UNC13C: variants seen among roughly 807,000 people sequenced by gnomAD.
The protein encoded by UNC13C is unc-13 homolog C, also known as protein unc-13 homolog C.
UNC13C carries 174 observed loss-of-function variants against 245.4 expected under a neutral mutation model. The ratio of observed to expected loss-of-function variants is 0.71; its 90% CI spans 0.63 to 0.80. The LOEUF is 0.80. UNC13C is among the 30% of genes least tolerant of loss of function. The probability of loss-of-function intolerance (pLI) is 0.00; values close to 1 mark genes in which losing one functional copy is unlikely to be tolerated. For synonymous variants in UNC13C, 992 were observed against 895.1 expected (o/e 1.11, Z -1.93); for missense variants, 2,829 against 2,602.9 (o/e 1.09, Z -1.89).
intron 4 of UNC13C, among the ~76,000 whole-genome samples, chr15:54,199,455 C>A (rs1183709934): frequency 6.6e-6 from 1 of 151,994 alleles, no homozygotes; most frequent in Non-Finnish European, 1.5e-5. Context: ...CATCAGGTAA[C>A]CTATAAAGGA....
At chr15:54,120,405 C>G (rs2030586299) in intron 2 of UNC13C, among the ~76,000 whole-genome samples, 1 of 151,016 alleles carries the variant, frequency 6.6e-6, no homozygotes, top group African/African-American at 2.4e-5. Flanking sequence ...TGAATACTTA[C>G]ACTGCTCAGA....
chr15:53,854,123 T>TTTTTTTG, the UNC13C span, among the ~76,000 whole-genome samples: 2 of 43,964 alleles, frequency 4.5e-5, 1 homozygote. Context: ...TTTTTATAGG[T>TTTTTTTG]TTTTTTTTTT....
chr15:54,527,172 C>T (rs1310574444), intron 25 of UNC13C, among the ~76,000 whole-genome samples: 1 of 152,168 alleles, frequency 6.6e-6, no homozygotes, highest in Non-Finnish European at 1.5e-5. Context: ...TTTCAAGGTT[C>T]TGTTTACCTG....
intron 2 of UNC13C, among the ~76,000 whole-genome samples, chr15:54,101,091 A>G (rs187637120): frequency 1.5e-3 from 221 of 152,236 alleles, no homozygotes; most frequent in African/African-American, 5.1e-3. Context: ...TGTTTTATGG[A>G]GAAATTCTCC....
At chr15:54,159,979 G>A (rs1423325243) in intron 4 of UNC13C, among the ~76,000 whole-genome samples, 1 of 152,094 alleles carries the variant, frequency 6.6e-6, no homozygotes, top group Non-Finnish European at 1.5e-5. Flanking sequence ...TCAATTGTAT[G>A]CAATTAGAAG....
intron 4 of UNC13C, among the ~76,000 whole-genome samples, chr15:54,186,992 G>A (rs1193037610): frequency 6.6e-6 from 1 of 151,718 alleles, no homozygotes; most frequent in African/African-American, 2.4e-5. Context: ...GGGATTACTG[G>A]CACATGTCAC....
chr15:54,559,434 T>C (rs1897213912), intron 29 of UNC13C, among the ~76,000 whole-genome samples: 1 of 152,006 alleles, frequency 6.6e-6, no homozygotes, highest in African/African-American at 2.4e-5. Flanking sequence ...GCTTTTGCCT[T>C]GGTTAAAATC....
At chr15:54,248,568 AGACAC>A (rs1347708489) in intron 7 of UNC13C, among the ~76,000 whole-genome samples, 112 of 52,862 alleles carry the variant, frequency 2.1e-3, no homozygotes, top group African/African-American at 0.018. Flanking sequence ...TACTTGCTTC[AGACAC>A]TCTTTATTGA....
chr15:54,042,271 G>T (rs1181195623), intron 2 of UNC13C, among the ~76,000 whole-genome samples: 1 of 152,102 alleles, frequency 6.6e-6, no homozygotes, highest in African/African-American at 2.4e-5. Flanking sequence ...AGCATGAAAT[G>T]AAAATACATA....
the UNC13C span, among the ~76,000 whole-genome samples, chr15:53,960,472 G>C: frequency 5.9e-5 from 9 of 151,942 alleles, no homozygotes; most frequent in African/African-American, 2.2e-4. Context: ...CAGACCACTA[G>C]TGTATCATTT....
rs1293098953 is a variant in UNC13C at position 54,015,375 on chromosome 15, C to A, written c.2472C>A (p.Asp824Glu). The change falls in exon 2 of 33, where the codon GAC (aspartate) becomes GAA (glutamate). Residue 824 changes from aspartate to glutamate, a missense_variant. Physicochemically the swap from Asp to Glu is conservative, Grantham distance 45 (BLOSUM62 2). Coordinates refer to ENST00000260323, the MANE Select transcript of UNC13C (RefSeq NM_001080534.3). ...KSTQSLSGYE[D>E]SGSSLMGRFR... ...CACAGAGTCTGAGTGGGTATGAGGA[C>A]AGTGGCTCTTCATTAATGGGGAGAT... The A allele has an allele frequency of 1.9e-6, 3 of 1,613,772 alleles. No homozygotes were observed. Among genetic ancestry groups the A allele is most frequent in the Non-Finnish European group, 2.5e-6 (3 of 1,179,830 alleles).
At chr15:53,856,071 T>A in the UNC13C span, among the ~76,000 whole-genome samples, 1 of 152,228 alleles carries the variant, frequency 6.6e-6, no homozygotes, top group Non-Finnish European at 1.5e-5. Flanking sequence ...TTCTAGTTTG[T>A]GTGCATAGAG....
intron 19 of UNC13C, among the ~76,000 whole-genome samples, chr15:54,453,372 C>T (rs1227240376): frequency 6.6e-6 from 1 of 152,188 alleles, no homozygotes; most frequent in African/African-American, 2.4e-5. Context: ...TCCTGATGTT[C>T]TCTCTTAGAG....
intron 19 of UNC13C, among the ~76,000 whole-genome samples, chr15:54,422,493 A>G (rs957559802): frequency 1.3e-5 from 2 of 151,990 alleles, no homozygotes; most frequent in African/African-American, 4.8e-5. Flanking sequence ...TATTTTTACT[A>G]TGGCGTATAA....
At chr15:54,359,464 C>G (rs550492908) in intron 17 of UNC13C, among the ~76,000 whole-genome samples, 6 of 151,998 alleles carry the variant, frequency 3.9e-5, no homozygotes, top group African/African-American at 1.4e-4. Context: ...GTGAAGCCAT[C>G]AGGTCCTGGA....
At chr15:53,935,623 T>A in the UNC13C span, among the ~76,000 whole-genome samples, 1 of 152,152 alleles carries the variant, frequency 6.6e-6, no homozygotes, top group African/African-American at 2.4e-5. Flanking sequence ...GGTATCCAGG[T>A]TCTCACATTG....
In UNC13C at chr15:54,525,749, C is replaced by T. The variant is rs762139582; in HGVS notation, c.5546+112C>T. 5.4e-5 allele frequency: 46 copies of T among 856,798 alleles called. 1 individual carries two copies. Among genetic ancestry groups the T allele is most frequent in the Admixed American group, 4.2e-4 (18 of 42,794 alleles). 53.1% of individuals were successfully genotyped at this position (856,798 alleles called of 1,614,324 possible). On this transcript the variant is annotated intron_variant, in intron 25 of 32. Coordinates refer to ENST00000260323, the MANE Select transcript of UNC13C (RefSeq NM_001080534.3). ...TGACTAAATCTACTTAACTTCAAGA[C>T]CCAATCTAAATGTCATTTTCTCTGA...
At chr15:53,973,761 A>C (rs1893612613), upstream of UNC13C, among the ~76,000 whole-genome samples, 1 of 152,306 alleles carries the variant, frequency 6.6e-6, no homozygotes, top group East Asian at 1.9e-4. Context: ...CAACAGAATG[A>C]AAGTATAGAT....
chr15:54,226,383 C>T (rs1257559155), intron 4 of UNC13C, among the ~76,000 whole-genome samples: 1 of 152,154 alleles, frequency 6.6e-6, no homozygotes, highest in Non-Finnish European at 1.5e-5. Context: ...AATGGTACCA[C>T]CTCTTTTCTG....
Sources: gnomAD v4.1 joint callset for allele counts (sites outside exome capture counted in the v4.1 genomes callset) on GRCh38, gnomAD v4.1.1 for gene constraint, MANE v1.5 for transcripts, NCBI Gene and HGNC (gene_info 2026-07-23, HGNC 2026-07-21) for gene names.